ST8SIA2: variants seen among roughly 807,000 people sequenced by gnomAD.
ST8SIA2 encodes ST8 alpha-N-acetyl-neuraminide alpha-2,8-sialyltransferase 2.
ST8SIA2 carries 22 observed loss-of-function variants against 37.6 expected under a neutral mutation model. The ratio of observed to expected loss-of-function variants is 0.58; its 90% confidence interval spans 0.42 to 0.83. The LOEUF is 0.83. Among genes scored for constraint, ST8SIA2 ranks in the 40% least tolerant of loss-of-function variants. The pLI is 0.00. For synonymous variants in ST8SIA2, 205 were observed against 201.2 expected, an observed-to-expected ratio of 1.02 and a Z score of -0.16; for missense variants, 382 against 484.7, an observed-to-expected ratio of 0.79 and a Z score of 1.99.
intron 4 of ST8SIA2, among the ~76,000 whole-genome samples, chr15:92,442,069 C>A (rs140842921): frequency 2.2e-4 from 34 of 152,330 alleles, no homozygotes; most frequent in African/African-American, 7.9e-4. Flanking sequence ...GAGCCTAGAT[C>A]AGATTGAACC....
At chr15:92,447,550 G>A (rs906740885) in intron 5 of ST8SIA2, among the ~76,000 whole-genome samples, 11 of 152,214 alleles carry the variant, frequency 7.2e-5, no homozygotes, top group Admixed American at 2.0e-4. Context: ...GCATCAGGAT[G>A]CTCTTCACTG....
chr15:92,451,216 C>T lies in ST8SIA2; in HGVS notation c.842+6287C>T, dbSNP rs969755629. Reference sequence around the variant, plus strand: ...ATTCTCTCGCTCTAATGTGGTGCACCAGGTGCAGCAGAAATTTGCACTCAT... The same window carrying T: ...ATTCTCTCGCTCTAATGTGGTGCACTAGGTGCAGCAGAAATTTGCACTCAT... On this transcript the variant is annotated intron_variant, in intron 5 of 5. Transcript: ENST00000268164. Among the ~76,000 whole-genome samples the T allele has an allele frequency of 7.9e-5, 12 of 152,266 alleles. No individual in the cohort carries two copies. In the South Asian group the frequency reaches 1.9e-3, roughly 24 times the overall value.
intron 3 of ST8SIA2, among the ~76,000 whole-genome samples, chr15:92,435,162 G>A (rs772963976): frequency 1.1e-4 from 16 of 152,270 alleles, no homozygotes; most frequent in Middle Eastern, 3.4e-3. Flanking sequence ...ATGCTAGCTG[G>A]GGACATGAAT....
intron 2 of ST8SIA2, among the ~76,000 whole-genome samples, chr15:92,430,528 C>T (rs1292243341): frequency 6.6e-6 from 1 of 152,180 alleles, no homozygotes; most frequent in Non-Finnish European, 1.5e-5. Flanking sequence ...TTTGCTGAGA[C>T]CTCTTAAAAT....
chr15:92,404,511 G>A (rs1596229124), intron 1 of ST8SIA2, among the ~76,000 whole-genome samples: 1 of 131,962 alleles, frequency 7.6e-6, no homozygotes. Flanking sequence ...TCCACTTCTG[G>A]GTGTATATTC....
At chr15:92,402,892 A>G (rs1178426871) in intron 1 of ST8SIA2, among the ~76,000 whole-genome samples, 3 of 152,088 alleles carry the variant, frequency 2.0e-5, no homozygotes, top group African/African-American at 7.2e-5. Context: ...AGAGAAGAGA[A>G]AAACAACACA....
In ST8SIA2 at chr15:92,400,195, C is replaced by T. The variant is rs545872855; in HGVS notation, c.98+6033C>T. On this transcript the variant is annotated intron_variant, in intron 1 of 5. Coordinates refer to ENST00000268164, the MANE Select transcript of ST8SIA2 (RefSeq NM_006011.4). The stretch of plus-strand genomic sequence containing the variant: ...CTAAGATCTGGTATCTCCTAGACCC[C>T]GTCCCCTTCCGAGACATCTGCATTG... Among the ~76,000 whole-genome samples the T allele has an allele frequency of 1.6e-3, 242 of 152,322 alleles. 2 individuals are homozygous for T. In the Middle Eastern group the frequency reaches 0.024, roughly 15 times the overall value.
chr15:92,432,131 C>A (rs1185555274), intron 2 of ST8SIA2, among the ~76,000 whole-genome samples: 1 of 152,136 alleles, frequency 6.6e-6, no homozygotes, highest in African/African-American at 2.4e-5. Flanking sequence ...AGACTGAACC[C>A]ACCTTAAGCC....
chr15:92,459,124 C>CT, intron 5 of ST8SIA2, among the ~76,000 whole-genome samples: 1 of 152,214 alleles, frequency 6.6e-6, no homozygotes. Flanking sequence ...CGATTCCTCT[C>CT]TCCCCCTTTC....
In ST8SIA2 at chr15:92,468,258, T is replaced by C. The variant is rs1001629191; in HGVS notation, c.*3873T>C. The C allele has an allele frequency of 6.5e-6, 1 of 152,734 alleles. No homozygotes were observed. The highest frequency in any genetic ancestry group is 1.5e-5 in the Non-Finnish European group (1 of 68,066). 9.5% of individuals were successfully genotyped at this position (152,734 alleles called of 1,614,324 possible). On this transcript the variant is annotated 3_prime_UTR_variant, in exon 6 of 6. Coordinates refer to ENST00000268164, the MANE Select transcript of ST8SIA2 (RefSeq NM_006011.4). ...AAAAGTTCCCCGGCCCGTGAACAAA[T>C]GTACAATTCTCTATTCTGACATTAC...
chr15:92,393,907 T>TGTCGCTGCCGCC lies in ST8SIA2; in HGVS notation c.-157_-156insTCGCTGCCGCCG. ...AGCAACCCCTGCCTGTCGCTGCCGCTGCCGCTGCCGCTGCCGCCGCCGGCC... is the reference window on the plus strand; with the variant it reads ...AGCAACCCCTGCCTGTCGCTGCCGCTGTCGCTGCCGCCGCCGCTGCCGCTGCCGCCGCCGGCC... On this transcript the variant is annotated 5_prime_UTR_variant, in exon 1 of 6. Transcript: ENST00000268164. 3.8e-6 allele frequency: 1 copy of TGTCGCTGCCGCC among 261,094 alleles called. No individual in the cohort carries two copies. Among genetic ancestry groups the TGTCGCTGCCGCC allele is most frequent in the African/African-American group, 2.3e-5 (1 of 43,096 alleles). The allele number at this position is 261,094 out of a possible 1,614,324, so 16.2% of individuals were successfully genotyped here.
At chr15:92,418,574 C>A (rs1156552110) in intron 1 of ST8SIA2, among the ~76,000 whole-genome samples, 1 of 151,544 alleles carries the variant, frequency 6.6e-6, no homozygotes, top group African/African-American at 2.4e-5. Context: ...GCATCCATGT[C>A]TAAGGAAGAG....
intron 3 of ST8SIA2, among the ~76,000 whole-genome samples, chr15:92,435,981 C>A (rs59334879): frequency 6.6e-6 from 1 of 152,174 alleles, no homozygotes; most frequent in South Asian, 2.1e-4. Flanking sequence ...ATCCTCTCAC[C>A]GCTTCCAGCC....
At position 92,464,072 on chromosome 15, in the gene ST8SIA2, CTTTTTTTT is replaced by C. The variant is rs34156050; in HGVS notation, c.843-12_843-5del. On this transcript the variant is annotated intron_variant, in intron 5 of 5. Transcript: ENST00000268164. ...TGACTCACAGACCCATGTTTCTTTTCTTTTTTTTTTTTTTTTTTTTTTTCCAGATACTG... is the reference window on the plus strand; with the variant it reads ...TGACTCACAGACCCATGTTTCTTTTCTTTTTTTTTTTTTTTCCAGATACTG... The C allele has an allele frequency of 2.0e-5, 25 of 1,273,788 alleles. No individual in the cohort carries two copies. Among genetic ancestry groups the C allele is most frequent in the Middle Eastern group, 2.8e-4 (1 of 3,620 alleles). The allele number at this position is 1,273,788 out of a possible 1,614,324, so 78.9% of individuals were successfully genotyped here.
chr15:92,434,902 G>C (rs932827205), intron 3 of ST8SIA2, among the ~76,000 whole-genome samples: 5 of 119,604 alleles, frequency 4.2e-5, no homozygotes, highest in African/African-American at 1.5e-4. Context: ...CACCCGACCA[G>C]AAAGCAGAGG....
At position 92,464,379 on chromosome 15, in the gene ST8SIA2, C is replaced by T. The variant is rs201319692; in HGVS notation, c.1122C>T (p.Ala374=). 1.5e-5 allele frequency: 25 copies of T among 1,613,394 alleles called. No homozygotes were observed. Among genetic ancestry groups the T allele is most frequent in the Non-Finnish European group, 1.8e-5 (21 of 1,180,032 alleles). ...LKLTVGQCDG[A]T ...TGACTGTCGGCCAGTGCGATGGGGCCACGTAGGGTGGGCACCCCATGGGAC... is the reference window on the plus strand; with the variant it reads ...TGACTGTCGGCCAGTGCGATGGGGCTACGTAGGGTGGGCACCCCATGGGAC... The change falls in exon 6 of 6, where the codon GCC becomes GCT. Residue 374 remains alanine (A), a synonymous_variant. Coordinates refer to ENST00000268164, the MANE Select transcript of ST8SIA2 (RefSeq NM_006011.4).
rs547866904 is a variant in ST8SIA2, at chr15:92,399,597, A to AT, written c.98+5444dup. On this transcript the variant is annotated intron_variant, in intron 1 of 5. Coordinates refer to ENST00000268164, the MANE Select transcript of ST8SIA2 (RefSeq NM_006011.4). ...AGTACACGTTTGCTCAACACGATGC[A>AT]TTTTTTTTTAAAAAAGCCCATTCTT... 1.6e-3 allele frequency among the ~76,000 whole-genome samples: 234 copies of AT among 150,298 alleles called. 5 individuals carry two copies. The East Asian group carries it at 0.036, about 23-fold the overall frequency.
Position 92,438,563 on chromosome 15 carries a change from G to C in ST8SIA2, c.501G>C (p.Leu167=). 1 of 1,613,674 alleles carries C rather than the reference G, an allele frequency of 6.2e-7. No homozygotes were observed. The highest frequency in any genetic ancestry group is 2.2e-5 in the East Asian group (1 of 44,858). Residue 167 remains leucine (L), a synonymous_variant, in exon 4 of 6, where the codon CTG becomes CTC. Coordinates refer to ENST00000268164, the MANE Select transcript of ST8SIA2 (RefSeq NM_006011.4). ...CAIVGNSGVL[L]NSGCGQEIDA... ...TCGTGGGCAACTCGGGGGTCTTGCT[G>C]AACAGCGGCTGTGGGCAGGAGATTG...
At chr15:92,450,281 G>A (rs1340539478) in intron 5 of ST8SIA2, among the ~76,000 whole-genome samples, 1 of 152,158 alleles carries the variant, frequency 6.6e-6, no homozygotes, top group African/African-American at 2.4e-5. Flanking sequence ...TCGAAAATGG[G>A]CAAAAGACTT....
Sources: allele counts gnomAD v4.1 joint callset (sites outside exome capture counted in the v4.1 genomes callset), GRCh38; gene constraint gnomAD v4.1.1; transcripts MANE v1.5; gene names NCBI Gene and HGNC (gene_info 2026-07-23, HGNC 2026-07-21).